Variants in TMC6 observed in about 807,000 individuals in gnomAD.
The protein encoded by TMC6 is transmembrane channel-like protein 6.
A neutral mutation model predicts 95.4 loss-of-function variants in TMC6; 71 were observed. That is an observed-to-expected ratio of 0.74 (90% CI 0.61 to 0.91). The LOEUF (loss-of-function observed/expected upper bound fraction) is 0.91, where lower values mean the gene tolerates loss of function less well. Among genes scored for constraint, TMC6 ranks in the 40% least tolerant of loss-of-function variants. The pLI is 0.00. For missense variants in TMC6, 1,074 were observed against 1,079.1 expected, an observed-to-expected ratio of 1.00 and a Z score of 0.07; for synonymous variants, 514 against 483.1, an observed-to-expected ratio of 1.06 and a Z score of -0.84.
chr17:78,115,479 A>G (rs2613515), intron 18 of TMC6, among the ~76,000 whole-genome samples: 63,717 of 152,014 alleles, frequency 0.42, 14,117 homozygotes, highest in East Asian at 0.81. Context: ...GAAAAGCCAC[A>G]GGACCTGCTT....
chr17:78,126,725 C>G, intron 2 of TMC6, 52 bp downstream of exon 2: 1 of 1,611,984 alleles, frequency 6.2e-7, no homozygotes. Flanking sequence ...GGTGACCTCT[C>G]CGTGGGGGGT....
intron 13 of TMC6, chr17:78,120,372 C>A (rs934217423): frequency 1.2e-5 from 6 of 519,888 alleles, no homozygotes; most frequent in Admixed American, 1.1e-4. Flanking sequence ...GCTGGCCAGG[C>A]TGGTCTCAAA....
At position 78,112,785 on chromosome 17, in the gene TMC6, G is replaced by A. The variant is rs1245939188; in HGVS notation, c.*363C>T. The A allele has an allele frequency of 1.1e-5, 4 of 368,038 alleles. No individual in the cohort carries two copies. The highest frequency in any genetic ancestry group is 2.0e-5 in the Non-Finnish European group (4 of 199,844). The allele number at this position is 368,038 out of a possible 1,614,324, so 22.8% of individuals were successfully genotyped here. A position where few individuals can be genotyped will look rare whatever the true frequency, so the allele number is the denominator to read the frequency against. ...GGCGCGGTCCAGCCCCTGCCATCTG[G>A]GGCTTGGCCAGCAGAGGGCGCCCCC... On this transcript the variant is annotated 3_prime_UTR_variant, in exon 20 of 20. Transcript: ENST00000590602.
At position 78,109,268 on chromosome 17, in the gene TMC6, C is replaced by T. The variant is rs187459146; in HGVS notation, c.*3880G>A. On this transcript the variant is annotated 3_prime_UTR_variant, in exon 20 of 20. Transcript: ENST00000590602. ...ACAGAGGCATCATGGCGAGCCCCGA[C>T]TGAGTGTTCAGTGAAGAGGGAAAAC... is the stretch of plus-strand genomic sequence containing the variant. 5.3e-5 allele frequency: 19 copies of T among 356,244 alleles called. No individual in the cohort carries two copies. Among genetic ancestry groups the T allele is most frequent in the Non-Finnish European group, 9.5e-5 (17 of 178,354 alleles). The allele number at this position is 356,244 out of a possible 1,614,324, so 22.1% of individuals were successfully genotyped here.
intron 14 of TMC6, 24 bp from the exon 15 acceptor site, chr17:78,119,070 G>A (rs767909835): frequency 6.1e-5 from 95 of 1,562,772 alleles, no homozygotes; most frequent in Non-Finnish European, 5.9e-5. Flanking sequence ...GGCAGTTCAG[G>A]GGCTGCTCCA....
chr17:78,124,183 C>T lies in TMC6; in HGVS notation c.892-4G>A. 6.2e-7 allele frequency: 1 copy of T among 1,611,126 alleles called. No homozygotes were observed. Among genetic ancestry groups the T allele is most frequent in the Non-Finnish European group, 8.5e-7 (1 of 1,179,660 alleles). On this transcript the variant is annotated splice_region_variant and splice_polypyrimidine_tract_variant and intron_variant, in intron 8 of 19. Transcript: ENST00000590602. Reference sequence around the variant, plus strand: ...TGACGGTGTGGGTGAAGCAACCCTGCCACAGGGAGATCCAGCCGAGTCAGG... The same window carrying T: ...TGACGGTGTGGGTGAAGCAACCCTGTCACAGGGAGATCCAGCCGAGTCAGG...
In TMC6 at chr17:78,124,225, C is replaced by A. The variant is rs757486089; in HGVS notation, c.892-46G>T. The A allele has an allele frequency of 3.7e-6, 6 of 1,605,812 alleles. No individual in the cohort carries two copies. The African/African-American group carries it at 6.7e-5, about 18-fold the overall frequency. ...CGAGTCAGGGACTTTCCCCACGCCC[C>A]ACCCGACCCTCAGGCCTGACAGCCA... is the stretch of plus-strand genomic sequence containing the variant. On this transcript the variant is annotated intron_variant, in intron 8 of 19. Coordinates refer to ENST00000590602, the MANE Select transcript of TMC6 (RefSeq NM_001127198.5).
In TMC6 at chr17:78,125,270, G is replaced by C. The variant is rs919029138; in HGVS notation, c.431-7C>G. ...ACCAGGAGGCTCTGCTTCTCTGCGA[G>C]AGGGAGAGGGAGGTCCTGCCCATCC... On this transcript the variant is annotated splice_region_variant and splice_polypyrimidine_tract_variant and intron_variant, in intron 5 of 19. Coordinates refer to ENST00000590602, the MANE Select transcript of TMC6 (RefSeq NM_001127198.5). 1.3e-6 allele frequency: 2 copies of C among 1,557,784 alleles called. No homozygotes were observed. Among genetic ancestry groups the C allele is most frequent in the African/African-American group, 2.7e-5 (2 of 73,764 alleles).
In TMC6 at chr17:78,117,953, G is replaced by A. The variant is rs200067690; in HGVS notation, c.1888-18C>T. On this transcript the variant is annotated intron_variant, in intron 15 of 19. Coordinates refer to ENST00000590602, the MANE Select transcript of TMC6 (RefSeq NM_001127198.5). ...AGGCTGGTCTGTGGGGAAAGGCTGCGCTCTGCCACCATCCTGCTACCCCTC... is the reference window on the plus strand; with the variant it reads ...AGGCTGGTCTGTGGGGAAAGGCTGCACTCTGCCACCATCCTGCTACCCCTC... 6.1e-5 allele frequency: 97 copies of A among 1,591,092 alleles called. 1 individual carries two copies. Among genetic ancestry groups the A allele is most frequent in the South Asian group, 1.1e-4 (10 of 87,980 alleles).
At chr17:78,117,399 C>T (rs1156432862) in intron 17 of TMC6, 52 bp from the exon 18 acceptor site, 2 of 1,612,106 alleles carry the variant, frequency 1.2e-6, no homozygotes, top group Non-Finnish European at 1.7e-6. Context: ...CCGGGAGCGG[C>T]CAGTCCCCAC....
At position 78,123,983 on chromosome 17, in the gene TMC6, C is replaced by G. The variant is rs752434728; in HGVS notation, c.1082+6G>C. 6 of 1,613,554 alleles carry G rather than the reference C, an allele frequency of 3.7e-6. No homozygotes were observed. The highest frequency in any genetic ancestry group is 5.1e-6 in the Non-Finnish European group (6 of 1,179,944). ...CGGAGCCTGGGTCATGAGGTGGAGG[C>G]ATTACCTGTACACCAGGGTGATGCA... On this transcript the variant is annotated splice_donor_region_variant and intron_variant, in intron 9 of 19. Transcript: ENST00000590602.
intron 18 of TMC6, among the ~76,000 whole-genome samples, chr17:78,115,645 GGGAGTGGGCACA>G (rs1309963741): frequency 2.0e-5 from 3 of 149,708 alleles, no homozygotes; most frequent in Non-Finnish European, 4.4e-5. Flanking sequence ...CAGGGGCGAA[GGGAGTGGGCACA>G]GGGGCGAAGG....
chr17:78,131,576 C>A, upstream of TMC6: 1 of 1,542,672 alleles, frequency 6.5e-7, no homozygotes, highest in Non-Finnish European at 8.7e-7. Flanking sequence ...AGCCTCTACC[C>A]GTGCCCGCCG....
Position 78,113,060 on chromosome 17 carries a change from C to G in TMC6, c.*88G>C, listed in dbSNP as rs2073871010. The stretch of plus-strand genomic sequence containing the variant: ...GCTTTCGAGAGGCGAAACTGTCTTC[C>G]TTGTCCTGGTGTCCCAGCAGGGTCA... On this transcript the variant is annotated 3_prime_UTR_variant, in exon 20 of 20. Transcript: ENST00000590602. The G allele has an allele frequency of 6.8e-7, 1 of 1,479,430 alleles. No homozygotes were observed. The highest frequency in any genetic ancestry group is 9.2e-7 in the Non-Finnish European group (1 of 1,083,386). 91.6% of individuals were successfully genotyped at this position (1,479,430 alleles called of 1,614,324 possible). A position where few individuals can be genotyped will look rare whatever the true frequency, so the allele number is the denominator to read the frequency against.
chr17:78,121,272 C>A lies in TMC6; in HGVS notation c.1384-108G>T. Reference sequence around the variant, plus strand: ...AACTGGCAGGTAGCACCTCCCTCCTCCAAGATCTGGCCCTCCCCAGGCCTC... The same window carrying A: ...AACTGGCAGGTAGCACCTCCCTCCTACAAGATCTGGCCCTCCCCAGGCCTC... On this transcript the variant is annotated intron_variant, in intron 11 of 19. Transcript: ENST00000590602. This position sits in a 1 kb window ranked among gnomAD's most constrained non-coding sequence, Gnocchi z 5.6. 2 of 1,507,814 alleles carry A rather than the reference C, an allele frequency of 1.3e-6. No individual in the cohort carries two copies. The highest frequency in any genetic ancestry group is 1.8e-6 in the Non-Finnish European group (2 of 1,122,220). 93.4% of individuals were successfully genotyped at this position (1,507,814 alleles called of 1,614,324 possible).
At chr17:78,113,813 C>T (rs553429574) in intron 18 of TMC6, 189 bp from the exon 19 acceptor site, 11 of 646,932 alleles carry the variant, frequency 1.7e-5, no homozygotes, top group African/African-American at 9.0e-5. Flanking sequence ...AGGAAGTGGG[C>T]GTATGTGTGG....
In TMC6 at chr17:78,113,160, T is replaced by G; in HGVS notation, c.2406A>C (p.Glu802Asp). The change falls in exon 20 of 20, where the codon GAA (glutamate) becomes GAC (aspartate). Residue 802 changes from glutamate (E) to aspartate (D), a missense_variant. Transcript: ENST00000590602. Reference sequence around the variant, plus strand: ...CATCGCCGTCCCCCTAGGCATCCTGTTCATCTGTGAGCAGGGCAGGGGGTG... The same window carrying G: ...CATCGCCGTCCCCCTAGGCATCCTGGTCATCTGTGAGCAGGGCAGGGGGTG... The part of the protein sequence containing the change: ...AAAPPALLTD[E>D]QDA 6.4e-7 allele frequency: 1 copy of G among 1,556,446 alleles called. No individual in the cohort carries two copies. Among genetic ancestry groups the G allele is most frequent in the Non-Finnish European group, 8.7e-7 (1 of 1,149,374 alleles).
chr17:78,121,778 G>A lies in TMC6; in HGVS notation c.1228-67C>T. 1.3e-6 allele frequency: 2 copies of A among 1,509,078 alleles called. No homozygotes were observed. Among genetic ancestry groups the A allele is most frequent in the Non-Finnish European group, 1.8e-6 (2 of 1,129,782 alleles). 93.5% of individuals were successfully genotyped at this position (1,509,078 alleles called of 1,614,324 possible). ...GGGCACACGCAGACGTGCAGACACA[G>A]CACAACACACACAACACACATGAGA... On this transcript the variant is annotated intron_variant, in intron 10 of 19. Transcript: ENST00000590602. This position sits in a 1 kb window ranked among gnomAD's most constrained non-coding sequence, Gnocchi z 5.6.
At chr17:78,129,131 G>A (rs1436110200), upstream of TMC6, among the ~76,000 whole-genome samples, 1 of 138,678 alleles carries the variant, frequency 7.2e-6, no homozygotes, top group Non-Finnish European at 1.6e-5. This position sits in a 1 kb window ranked among gnomAD's most constrained non-coding sequence, Gnocchi z 4.3. Flanking sequence ...CCCCCCCGCC[G>A]CCCCCGCAAG....
Sources: gnomAD v4.1 joint callset for allele counts (sites outside exome capture counted in the v4.1 genomes callset) on GRCh38, gnomAD v4.1.1 for gene constraint, Gnocchi (gnomAD v3.1) non-coding constraint, MANE v1.5 for transcripts, NCBI Gene and HGNC (gene_info 2026-07-23, HGNC 2026-07-21) for gene names.